CEP152: variants seen among roughly 807,000 people sequenced by gnomAD.
CEP152 encodes centrosomal protein 152, also known as centrosomal protein of 152 kDa.
A neutral mutation model predicts 188.9 loss-of-function variants in CEP152; 132 were observed. That is an observed-to-expected ratio of 0.70 (90% CI 0.61 to 0.81). The LOEUF is 0.81. Ranked by LOEUF, CEP152 falls within the 30% of genes least tolerant of loss-of-function variation. CEP152 has a pLI of 0.00. For missense variants in CEP152, 1,914 were observed against 1,969.8 expected (o/e 0.97, Z 0.54); for synonymous variants, 649 against 666.6 (o/e 0.97, Z 0.41).
intron 12 of CEP152, among the ~76,000 whole-genome samples, chr15:48,775,119 G>GA (rs1895806351): frequency 6.6e-6 from 1 of 151,528 alleles, no homozygotes; most frequent in African/African-American, 2.4e-5. Context: ...AAAAACTATA[G>GA]AAAAAAATGA....
At chr15:48,751,365 A>C (rs1893860674) in intron 21 of CEP152, among the ~76,000 whole-genome samples, 2 of 152,218 alleles carry the variant, frequency 1.3e-5, no homozygotes, top group African/African-American at 2.4e-5. Flanking sequence ...CATAAAAAGT[A>C]CAATGCAAAA....
chr15:48,785,247 A>G (rs1350428951), intron 9 of CEP152, among the ~76,000 whole-genome samples: 4 of 152,216 alleles, frequency 2.6e-5, no homozygotes, highest in Non-Finnish European at 4.4e-5. Flanking sequence ...GAAGTCTCCC[A>G]TTTTAGCTTA....
intron 2 of CEP152, among the ~76,000 whole-genome samples, chr15:48,802,583 A>G (rs1036564421): frequency 6.6e-6 from 1 of 152,150 alleles, no homozygotes; most frequent in East Asian, 1.9e-4. Context: ...TAAGAGTTGT[A>G]GCACTTTAGA....
At chr15:48,760,399 G>C (rs914399598) in intron 18 of CEP152, 133 bp from the exon 19 acceptor site, 1 of 1,035,908 alleles carries the variant, frequency 9.7e-7, no homozygotes, top group Non-Finnish European at 1.4e-6. Context: ...CTGACTGCAA[G>C]TACCCTACCT....
chr15:48,805,780 A>G (rs1897948974), intron 1 of CEP152, 124 bp from the exon 2 acceptor site: 3 of 1,295,440 alleles, frequency 2.3e-6, no homozygotes, highest in Non-Finnish European at 3.2e-6. Context: ...GAAAATATGT[A>G]TAACTCAGTT....
intron 12 of CEP152, among the ~76,000 whole-genome samples, chr15:48,777,157 AAC>A (rs199904278): frequency 1.3e-5 from 2 of 152,226 alleles, no homozygotes; most frequent in East Asian, 1.9e-4. Flanking sequence ...GGGATCCCAG[AAC>A]AGAAAAAGTA....
chr15:48,769,094 A>G lies in CEP152; in HGVS notation c.1783-13T>C. On this transcript the variant is annotated splice_polypyrimidine_tract_variant and intron_variant, in intron 13 of 26. Transcript: ENST00000380950. ...TATCTGTTTTAGTCTGAATATTAAA[A>G]GGTCAAAAGTTTTACAAGTTTTAAA... 1 of 1,595,202 alleles carries G rather than the reference A, an allele frequency of 6.3e-7. No individual in the cohort carries two copies. Among genetic ancestry groups the G allele is most frequent in the South Asian group, 1.1e-5 (1 of 88,120 alleles).
chr15:48,744,195 A>T, intron 24 of CEP152, 45 bp downstream of exon 24: 1 of 1,603,906 alleles, frequency 6.2e-7, no homozygotes, highest in Non-Finnish European at 8.5e-7. Context: ...CAGTGATAAT[A>T]AAAAAGGCCC....
At chr15:48,765,636 ATT>A (rs34837739) in intron 17 of CEP152, 9,422 of 183,026 alleles carry the variant, frequency 0.051, no homozygotes, top group South Asian at 0.064. Context: ...GTTCTTGCCA[ATT>A]TTTTTTTTTT....
intron 21 of CEP152, 97 bp downstream of exon 21, chr15:48,752,252 T>A: frequency 6.2e-7 from 1 of 1,601,110 alleles, no homozygotes; most frequent in Non-Finnish European, 8.5e-7. Context: ...TTATTACCCA[T>A]TTGTTCACAT....
chr15:48,793,651 T>C (rs1407435318), intron 6 of CEP152, among the ~76,000 whole-genome samples, 190 bp from the exon 7 acceptor site: 1 of 152,248 alleles, frequency 6.6e-6, no homozygotes, highest in African/African-American at 2.4e-5. Flanking sequence ...AGAAACAGTC[T>C]TATTTTGTGA....
At chr15:48,754,992 T>C (rs1391141552) in intron 20 of CEP152, among the ~76,000 whole-genome samples, 2 of 151,922 alleles carry the variant, frequency 1.3e-5, no homozygotes, top group Non-Finnish European at 1.5e-5. Context: ...GTCTCAACTC[T>C]ATTAGACAAA....
In CEP152 at chr15:48,781,332, T is replaced by G. The variant is rs1567012285; in HGVS notation, c.1441A>C (p.Ile481Leu). ...QEELTELKDE[I>L]SLYESAAKLG... ...TTTGCAGCAGATTCATAGAGAGAAATTTCATCTTTTAGTTCTGTTAATTCT... is the reference window on the plus strand; with the variant it reads ...TTTGCAGCAGATTCATAGAGAGAAAGTTCATCTTTTAGTTCTGTTAATTCT... The change falls in exon 12 of 27, where the codon ATT (isoleucine) becomes CTT (leucine). Residue 481 changes from isoleucine (I) to leucine (L), a missense_variant. Ile to Leu is a conservative substitution (Grantham distance 5). Transcript: ENST00000380950. The G allele has an allele frequency of 6.2e-7, 1 of 1,609,892 alleles. No individual in the cohort carries two copies. The highest frequency in any genetic ancestry group is 8.5e-7 in the Non-Finnish European group (1 of 1,176,694).
intron 2 of CEP152, among the ~76,000 whole-genome samples, chr15:48,803,163 A>G (rs1243433673): frequency 6.6e-6 from 1 of 152,272 alleles, no homozygotes; most frequent in East Asian, 1.9e-4. Context: ...AGCAATATGC[A>G]TTAGCCCACT....
In CEP152 at chr15:48,750,041, AT is replaced by A. The variant is rs150806561; in HGVS notation, c.3467-1432del. ...TTACCCTCCAATGGTTCATAAAAAA[AT>A]GAAATATTCACATACACATATATAC... On this transcript the variant is annotated intron_variant, in intron 21 of 26. Coordinates refer to ENST00000380950, the MANE Select transcript of CEP152 (RefSeq NM_001194998.2). Among the ~76,000 whole-genome samples, 539 of 152,246 alleles carry A rather than the reference AT, an allele frequency of 3.5e-3. 3 individuals are homozygous for A. The highest frequency in any genetic ancestry group is 0.013 in the African/African-American group (522 of 41,570).
At chr15:48,794,863 T>C (rs1897195421) in intron 6 of CEP152, among the ~76,000 whole-genome samples, 1 of 152,246 alleles carries the variant, frequency 6.6e-6, no homozygotes, top group Non-Finnish European at 1.5e-5. Context: ...ATATTTGCTG[T>C]TGACTCCTTC....
chr15:48,744,748 G>C (rs1214447361), intron 23 of CEP152, 148 bp downstream of exon 23: 15 of 732,080 alleles, frequency 2.0e-5, no homozygotes, highest in Middle Eastern at 4.0e-4. Context: ...GGTCACTAGA[G>C]GGTATCTTCA....
At chr15:48,798,921 TA>T (rs1456527552) in intron 2 of CEP152, among the ~76,000 whole-genome samples, 5 of 152,164 alleles carry the variant, frequency 3.3e-5, no homozygotes, top group African/African-American at 1.2e-4. Flanking sequence ...CCCAATATAA[TA>T]ATATTACCCT....
At chr15:48,786,189 A>T (rs745739445) in intron 9 of CEP152, among the ~76,000 whole-genome samples, 5 of 152,192 alleles carry the variant, frequency 3.3e-5, no homozygotes, top group Admixed American at 6.5e-5. Flanking sequence ...AAAGTAATAT[A>T]CCAACAAGGA....
Sources: gnomAD v4.1 joint callset for allele counts (sites outside exome capture counted in the v4.1 genomes callset) on GRCh38, gnomAD v4.1.1 for gene constraint, MANE v1.5 for transcripts, NCBI Gene and HGNC (gene_info 2026-07-23, HGNC 2026-07-21) for gene names.